Variants in SPATA31D1 observed in about 807,000 individuals in gnomAD.
SPATA31D1 encodes spermatogenesis-associated protein 31D1.
Under a neutral mutation model 13.2 loss-of-function variants are expected in SPATA31D1, and 6 were observed. The ratio of observed to expected loss-of-function variants is 0.46; its 90% CI spans 0.25 to 0.90. The LOEUF is 0.90. Among genes scored for constraint, SPATA31D1 ranks in the 40% least tolerant of loss-of-function variants. The pLI, the probability that SPATA31D1 is intolerant of heterozygous loss-of-function variation, is 0.18. For missense variants in SPATA31D1, 2,445 were observed against 1,884.7 expected, an observed-to-expected ratio of 1.30 and a Z score of -5.50; for synonymous variants, 903 against 718.8, an observed-to-expected ratio of 1.26 and a Z score of -4.10.
At chr9:81,989,991 C>CA in intron 2 of SPATA31D1, 168 bp downstream of exon 2, 1 of 731,076 alleles carries the variant, frequency 1.4e-6, no homozygotes, top group East Asian at 2.8e-5. Context: ...AGACACTGCT[C>CA]AGAGGCCCTG....
At chr9:81,990,230 G>C in intron 2 of SPATA31D1, 187 bp from the exon 3 acceptor site, 1 of 554,008 alleles carries the variant, frequency 1.8e-6, no homozygotes, top group Non-Finnish European at 3.2e-6. Flanking sequence ...ATGGGGTAAT[G>C]TATGTGAAAG....
In SPATA31D1 at chr9:81,994,804, C is replaced by T. The variant is rs1279667152; in HGVS notation, c.4334C>T (p.Pro1445Leu). The T allele has an allele frequency of 6.2e-7, 1 of 1,613,820 alleles. No individual in the cohort carries two copies. Among genetic ancestry groups the T allele is most frequent in the African/African-American group, 1.3e-5 (1 of 74,916 alleles). The change falls in exon 4 of 4, where the codon CCA becomes CTA. Residue 1445 changes from proline to leucine, a missense_variant. Pro to Leu is a moderately conservative substitution (Grantham distance 98). Transcript: ENST00000344803. The stretch of plus-strand genomic sequence containing the variant: ...GGGCTTGGGAAAGCTCAGCACAACC[C>T]AGAAGTGCATGTCAGAGCAGAGCCT... ...PVGLGKAQHN[P>L]EVHVRAEPVQ...
rs545600287 is a variant in SPATA31D1, at chr9:81,992,727, C to G, written c.2257C>G (p.Pro753Ala). The G allele has an allele frequency of 6.2e-7, 1 of 1,613,770 alleles. No homozygotes were observed. The highest frequency in any genetic ancestry group is 1.3e-5 in the African/African-American group (1 of 75,048). The change falls in exon 4 of 4, where the codon CCT (proline) becomes GCT (alanine). Residue 753 changes from proline (P) to alanine (A), a missense_variant. Transcript: ENST00000344803. ...NVLKKSASSF[P>A]RSFHERSSNM... ...TCTAAAGAAGTCCGCATCAAGCTTC[C>G]CTAGAAGCTTCCACGAGAGGAGCTC...
rs764119769 is a variant in SPATA31D1, at chr9:81,995,172, C to G, written c.4702C>G (p.Gln1568Glu). The G allele has an allele frequency of 1.3e-5, 20 of 1,544,252 alleles. No individual in the cohort carries two copies. The highest frequency in any genetic ancestry group is 1.7e-5 in the Non-Finnish European group (20 of 1,143,016). The change falls in exon 4 of 4, where the codon CAG becomes GAG. Residue 1568 changes from glutamine (Q) to glutamate (E), a missense_variant. Transcript: ENST00000344803. The part of the protein sequence containing the change: ...TGQKMLPKHL[Q>E]GGKFPPTK ...ACAGAAAATGCTTCCAAAGCATTTA[C>G]AGGGAGGAAAATTTCCCCCCACAAA...
At position 81,995,238 on chromosome 9, in the gene SPATA31D1, A is replaced by T. The variant is rs1025746903; in HGVS notation, c.*37A>T. The T allele has an allele frequency of 3.4e-6, 5 of 1,460,906 alleles. No homozygotes were observed. Among genetic ancestry groups the T allele is most frequent in the Non-Finnish European group, 4.5e-6 (5 of 1,103,724 alleles). The allele number at this position is 1,460,906 out of a possible 1,614,324, so 90.5% of individuals were successfully genotyped here. On this transcript the variant is annotated 3_prime_UTR_variant, in exon 4 of 4. Transcript: ENST00000344803. ...TTGAGAATCTTGATTCTCCCCAATAAATGTTCCAATAAGAAGGATGTCTTT... is the reference window on the plus strand; with the variant it reads ...TTGAGAATCTTGATTCTCCCCAATATATGTTCCAATAAGAAGGATGTCTTT...
Position 81,990,908 on chromosome 9 carries a change from GGAGTCCCT to G in SPATA31D1, c.441_448del (p.Ser148ArgfsTer17). ...CTGATATCCAGCAACTGCTGTCTTG[GGAGTCCCT>G]GAAAGATGCTGCTCCCTCTGTGTCC... On this transcript the variant is annotated frameshift_variant, in exon 4 of 4. Transcript: ENST00000344803. LOFTEE classifies it low-confidence loss of function (END_TRUNC). The G allele has an allele frequency of 6.2e-7, 1 of 1,613,868 alleles. No homozygotes were observed. Among genetic ancestry groups the G allele is most frequent in the South Asian group, 1.1e-5 (1 of 91,080 alleles).
chr9:81,993,268 C>T lies in SPATA31D1; in HGVS notation c.2798C>T (p.Ala933Val), dbSNP rs776906027. 44 of 1,613,870 alleles carry T rather than the reference C, an allele frequency of 2.7e-5. No homozygotes were observed. The highest frequency in any genetic ancestry group is 3.3e-4 in the Middle Eastern group (2 of 6,084). The change falls in exon 4 of 4, where the codon GCG (alanine) becomes GTG (valine). Residue 933 changes from alanine to valine, a missense_variant. Ala to Val is a moderately conservative substitution (Grantham distance 64, BLOSUM62 0). Coordinates refer to ENST00000344803, the MANE Select transcript of SPATA31D1 (RefSeq NM_001001670.3). ...LESIEIFKSK[A>V]DLSTSFSHFD... ...TCCATAGAAATCTTCAAATCGAAAG[C>T]GGACCTTTCCACTTCCTTTTCCCAT...
Position 81,993,108 on chromosome 9 carries a change from G to A in SPATA31D1, c.2638G>A (p.Val880Met). ...QIKHRNLVTL[V>M]SEDHCVDTSQ... ...TAAACATCGAAATCTGGTAACATTGGTGAGTGAGGACCACTGCGTTGATAC... is the reference window on the plus strand; with the variant it reads ...TAAACATCGAAATCTGGTAACATTGATGAGTGAGGACCACTGCGTTGATAC... The change falls in exon 4 of 4, where the codon GTG (valine) becomes ATG (methionine). Residue 880 changes from valine (V) to methionine (M), a missense_variant. Transcript: ENST00000344803. 6.2e-7 allele frequency: 1 copy of A among 1,613,858 alleles called. No homozygotes were observed. The highest frequency in any genetic ancestry group is 1.1e-5 in the South Asian group (1 of 91,070).
Position 81,991,135 on chromosome 9 carries a change from C to T in SPATA31D1, c.665C>T (p.Pro222Leu), listed in dbSNP as rs1405881416. The T allele has an allele frequency of 1.9e-6, 3 of 1,613,766 alleles. No individual in the cohort carries two copies. In the Admixed American group the frequency reaches 5.0e-5, roughly 27 times the overall value. Reference sequence around the variant, plus strand: ...CCCTCACCACTGAGGGACCCTCTGCCACCACAGCCTGTTTCTCCCTTGGAT... The same window carrying T: ...CCCTCACCACTGAGGGACCCTCTGCTACCACAGCCTGTTTCTCCCTTGGAT... The part of the protein sequence containing the change: ...FSPSPLRDPL[P>L]PQPVSPLDSK... Residue 222 changes from proline to leucine, a missense_variant, in exon 4 of 4, where the codon CCA becomes CTA. Transcript: ENST00000344803.
At position 81,991,701 on chromosome 9, in the gene SPATA31D1, A is replaced by T. The variant is rs1184386293; in HGVS notation, c.1231A>T (p.Ile411Phe). 14 of 1,613,796 alleles carry T rather than the reference A, an allele frequency of 8.7e-6. No individual in the cohort carries two copies. Among genetic ancestry groups the T allele is most frequent in the Non-Finnish European group, 1.2e-5 (14 of 1,179,864 alleles). Residue 411 changes from isoleucine to phenylalanine, a missense_variant, in exon 4 of 4, where the codon ATT (isoleucine) becomes TTT (phenylalanine). Coordinates refer to ENST00000344803, the MANE Select transcript of SPATA31D1 (RefSeq NM_001001670.3). Reference protein sequence around the residue: ...PVNISFLSHDILALLERQVKK... With the variant: ...PVNISFLSHDFLALLERQVKK... ...TAACATCTCATTTCTCAGCCATGACATTCTGGCACTCCTGGAGAGACAAGT... is the reference window on the plus strand; with the variant it reads ...TAACATCTCATTTCTCAGCCATGACTTTCTGGCACTCCTGGAGAGACAAGT...
chr9:81,995,026 C>T lies in SPATA31D1; in HGVS notation c.4556C>T (p.Pro1519Leu), dbSNP rs73480308. The change falls in exon 4 of 4, where the codon CCC becomes CTC. Residue 1519 changes from proline to leucine, a missense_variant. Pro to Leu is a moderately conservative substitution (Grantham distance 98, BLOSUM62 -3). Coordinates refer to ENST00000344803, the MANE Select transcript of SPATA31D1 (RefSeq NM_001001670.3). The stretch of plus-strand genomic sequence containing the variant: ...TGTCAAAGCCATCCCCAATCCATGC[C>T]CCACAGGAAGCCTGTGCCACATCCA... ...ILCQSHPQSM[P>L]HRKPVPHPNP... is the part of the protein sequence containing the mutation. The T allele has an allele frequency of 5.0e-6, 8 of 1,613,782 alleles. No homozygotes were observed. In the Admixed American group the frequency reaches 1.2e-4, roughly 24 times the overall value.
At position 81,992,475 on chromosome 9, in the gene SPATA31D1, C is replaced by A; in HGVS notation, c.2005C>A (p.Pro669Thr). ...CAGAAAGTCCTTCAAGGTCCATGTT[C>A]CGATCTCCATCATTCCTGGAGATTT... Reference protein sequence around the residue: ...LVRKSFKVHVPISIIPGDFPL... With the variant: ...LVRKSFKVHVTISIIPGDFPL... The change falls in exon 4 of 4, where the codon CCG becomes ACG. Residue 669 changes from proline to threonine, a missense_variant. Physicochemically the swap from Pro to Thr is conservative, Grantham distance 38 (BLOSUM62 -1). Transcript: ENST00000344803. 1 of 1,612,136 alleles carries A rather than the reference C, an allele frequency of 6.2e-7. No individual in the cohort carries two copies. Among genetic ancestry groups the A allele is most frequent in the South Asian group, 1.1e-5 (1 of 91,008 alleles).
Position 81,990,277 on chromosome 9 carries a change from G to T in SPATA31D1, c.233-140G>T. ...TGATGCCACATACACATGTGAACTT[G>T]TGAATATTATCAATGACTATTTTCC... On this transcript the variant is annotated intron_variant, in intron 2 of 3. Coordinates refer to ENST00000344803, the MANE Select transcript of SPATA31D1 (RefSeq NM_001001670.3). 4 of 635,818 alleles carry T rather than the reference G, an allele frequency of 6.3e-6. No individual in the cohort carries two copies. In the East Asian group the frequency reaches 1.1e-4, roughly 17 times the overall value. The allele number at this position is 635,818 out of a possible 1,614,324, so 39.4% of individuals were successfully genotyped here. A position where few individuals can be genotyped will look rare whatever the true frequency, so the allele number is the denominator to read the frequency against.
chr9:81,992,445 T>G lies in SPATA31D1; in HGVS notation c.1975T>G (p.Leu659Val). The G allele has an allele frequency of 6.2e-7, 1 of 1,612,702 alleles. No homozygotes were observed. Among genetic ancestry groups the G allele is most frequent in the South Asian group, 1.1e-5 (1 of 91,020 alleles). The part of the protein sequence containing the change: ...DFCPPAPNPE[L>V]VRKSFKVHVP... ...TTGTCCTCCAGCTCCCAATCCTGAA[T>G]TGGTCAGAAAGTCCTTCAAGGTCCA... Residue 659 changes from leucine (L) to valine (V), a missense_variant, in exon 4 of 4, where the codon TTG becomes GTG. Leu to Val is a conservative substitution (Grantham distance 32). Transcript: ENST00000344803.
Position 81,991,699 on chromosome 9 carries a change from A to G in SPATA31D1, c.1229A>G (p.Asp410Gly). Reference sequence around the variant, plus strand: ...GTTAACATCTCATTTCTCAGCCATGACATTCTGGCACTCCTGGAGAGACAA... The same window carrying G: ...GTTAACATCTCATTTCTCAGCCATGGCATTCTGGCACTCCTGGAGAGACAA... ...EPVNISFLSH[D>G]ILALLERQVK... Residue 410 changes from aspartate to glycine, a missense_variant, in exon 4 of 4, where the codon GAC becomes GGC. Physicochemically the swap from Asp to Gly is moderately conservative, Grantham distance 94. Transcript: ENST00000344803. The G allele has an allele frequency of 6.2e-7, 1 of 1,613,878 alleles. No homozygotes were observed. The highest frequency in any genetic ancestry group is 8.5e-7 in the Non-Finnish European group (1 of 1,179,836).
rs1825016520 is a variant in SPATA31D1 at position 81,993,231 on chromosome 9, A to C, written c.2761A>C (p.Lys921Gln). The change falls in exon 4 of 4, where the codon AAG becomes CAG. Residue 921 changes from lysine (K) to glutamine (Q), a missense_variant. Transcript: ENST00000344803. ...GAGGATGCTGTGGGGCCTTCCCCTCAAGGTCCTTGAATCCATAGAAATCTT... is the reference window on the plus strand; with the variant it reads ...GAGGATGCTGTGGGGCCTTCCCCTCCAGGTCCTTGAATCCATAGAAATCTT... Reference protein sequence around the residue: ...RMRMLWGLPLKVLESIEIFKS... With the variant: ...RMRMLWGLPLQVLESIEIFKS... 1 of 1,614,012 alleles carries C rather than the reference A, an allele frequency of 6.2e-7. No individual in the cohort carries two copies. The highest frequency in any genetic ancestry group is 8.5e-7 in the Non-Finnish European group (1 of 1,179,888).
Position 81,991,115 on chromosome 9 carries a change from A to G in SPATA31D1, c.645A>G (p.Ser215=). ...ITTLADLFSP[S]PLRDPLPPQP... Reference sequence around the variant, plus strand: ...CCTTAGCTGACTTATTTTCACCCTCACCACTGAGGGACCCTCTGCCACCAC... The same window carrying G: ...CCTTAGCTGACTTATTTTCACCCTCGCCACTGAGGGACCCTCTGCCACCAC... Residue 215 remains serine, a synonymous_variant, in exon 4 of 4, where the codon TCA becomes TCG. Coordinates refer to ENST00000344803, the MANE Select transcript of SPATA31D1 (RefSeq NM_001001670.3). 1 of 1,613,176 alleles carries G rather than the reference A, an allele frequency of 6.2e-7. No individual in the cohort carries two copies. Among genetic ancestry groups the G allele is most frequent in the Non-Finnish European group, 8.5e-7 (1 of 1,179,584 alleles).
Position 81,994,058 on chromosome 9 carries a change from A to C in SPATA31D1, c.3588A>C (p.Lys1196Asn). The change falls in exon 4 of 4, where the codon AAA becomes AAC. Residue 1196 changes from lysine to asparagine, a missense_variant. Coordinates refer to ENST00000344803, the MANE Select transcript of SPATA31D1 (RefSeq NM_001001670.3). ...PPRISVPQDP[K>N]SSYLKNQMLS... is the part of the protein sequence containing the mutation. ...GAATATCAGTTCCTCAAGATCCTAA[A>C]TCATCATACCTTAAAAATCAGATGT... 1 of 1,613,834 alleles carries C rather than the reference A, an allele frequency of 6.2e-7. No homozygotes were observed. The highest frequency in any genetic ancestry group is 8.5e-7 in the Non-Finnish European group (1 of 1,179,768).
chr9:81,990,114 T>G (rs1824921844), intron 2 of SPATA31D1: 1 of 520,278 alleles, frequency 1.9e-6, no homozygotes, highest in Non-Finnish European at 3.4e-6. Flanking sequence ...GAGTCAGAGC[T>G]TCTGTCTCAC....
Sources: gnomAD v4.1 joint callset for allele counts on GRCh38, gnomAD v4.1.1 for gene constraint, MANE v1.5 for transcripts, NCBI Gene and HGNC (gene_info 2026-07-23, HGNC 2026-07-21) for gene names.